Variants in EEA1 observed in about 807,000 individuals in gnomAD.
EEA1 encodes the protein early endosome antigen 1, 162kD.
In EEA1, 111 loss-of-function variants were observed where a neutral mutation model predicts 209.2. The ratio of observed to expected loss-of-function variants is 0.53; its 90% CI spans 0.45 to 0.62. The LOEUF (loss-of-function observed/expected upper bound fraction) is 0.62, where lower values mean the gene tolerates loss of function less well. Among genes scored for constraint, EEA1 ranks in the 20% least tolerant of loss-of-function variants. The pLI is 0.00. For synonymous variants in EEA1, 536 were observed against 540.6 expected, an observed-to-expected ratio of 0.99 and a Z score of 0.12; for missense variants, 1,343 against 1,530.8, an observed-to-expected ratio of 0.88 and a Z score of 2.05.
intron 1 of EEA1, among the ~76,000 whole-genome samples, chr12:92,895,061 C>G (rs763120913): frequency 8.6e-5 from 13 of 151,508 alleles, no homozygotes; most frequent in Admixed American, 1.3e-4. Flanking sequence ...TACGCTAATG[C>G]TACTCTGCGC....
intron 16 of EEA1, 45 bp from the exon 17 acceptor site, chr12:92,811,479 T>C (rs1875503068): frequency 7.6e-7 from 1 of 1,309,946 alleles, no homozygotes; most frequent in Non-Finnish European, 1.0e-6. Context: ...AGGTTTACTA[T>C]ATTGTAGTGG....
In EEA1 at chr12:92,879,253, G is replaced by A. The variant is rs1162382082; in HGVS notation, c.117+12376C>T. Reference sequence around the variant, plus strand: ...ATATTTACATGATACTTACCAGTTGGACATCCTAATCCAAAAAAATCCAAA... The same window carrying A: ...ATATTTACATGATACTTACCAGTTGAACATCCTAATCCAAAAAAATCCAAA... On this transcript the variant is annotated intron_variant, in intron 2 of 28. Transcript: ENST00000322349. The A allele has an allele frequency of 1.9e-5, 7 of 374,764 alleles. No individual in the cohort carries two copies. In the East Asian group the frequency reaches 2.6e-4, roughly 14 times the overall value. The allele number at this position is 374,764 out of a possible 1,614,324, so 23.2% of individuals were successfully genotyped here.
intron 2 of EEA1, among the ~76,000 whole-genome samples, chr12:92,874,439 C>T (rs1274748651): frequency 6.6e-6 from 1 of 152,256 alleles, no homozygotes; most frequent in Non-Finnish European, 1.5e-5. Flanking sequence ...AATCTCGGCT[C>T]ACTGCAACCT....
intron 1 of EEA1, among the ~76,000 whole-genome samples, chr12:92,923,391 T>C (rs1273145202): frequency 6.6e-6 from 1 of 152,170 alleles, no homozygotes; most frequent in Non-Finnish European, 1.5e-5. Context: ...CTGTCTACAG[T>C]ATAAGGTCCA....
intron 21 of EEA1, among the ~76,000 whole-genome samples, chr12:92,792,889 T>C (rs11830800): frequency 0.04 from 6,112 of 152,174 alleles, 406 homozygotes; most frequent in African/African-American, 0.14. Context: ...TCAAATAAAA[T>C]ACTGGCAAAC....
At chr12:92,874,144 C>T (rs1382958228) in intron 2 of EEA1, among the ~76,000 whole-genome samples, 7 of 151,444 alleles carry the variant, frequency 4.6e-5, no homozygotes. Context: ...AAATTCCCAT[C>T]TCTACAAAAA....
chr12:92,802,455 T>C lies in EEA1; in HGVS notation c.2619A>G (p.Lys873=). ...SKVSDSLKNS[K]SEFEKENQKG... is the part of the protein sequence containing the mutation. ...TCTGATTCTCCTTTTCAAATTCACT[T>C]TTAGAGTTTTTCAAAGAATCAGAAA... Residue 873 remains lysine, a synonymous_variant, in exon 19 of 29, where the codon AAA becomes AAG. Coordinates refer to ENST00000322349, the MANE Select transcript of EEA1 (RefSeq NM_003566.4). 1 of 1,582,048 alleles carries C rather than the reference T, an allele frequency of 6.3e-7. No homozygotes were observed.
intron 2 of EEA1, among the ~76,000 whole-genome samples, chr12:92,886,038 CAG>C (rs1198246072): frequency 6.6e-6 from 1 of 151,974 alleles, no homozygotes; most frequent in Non-Finnish European, 1.5e-5. Context: ...GAACTGGCAA[CAG>C]AGTCAAACCT....
In EEA1 at chr12:92,852,270, T is replaced by C. The variant is rs1877664232; in HGVS notation, c.547A>G (p.Arg183Gly). ...TGTTCAGCAGCTTCTCGAAGACTCC[T>C]TTCTTCATCATACTTTGACTTTATA... ...ADIKSKYDEERSLREAAEQKV... is the reference protein window; with the variant it reads ...ADIKSKYDEEGSLREAAEQKV... Residue 183 changes from arginine to glycine, a missense_variant, in exon 8 of 29, where the codon AGG becomes GGG. By Grantham distance (125) the Arg-to-Gly change is moderately radical. Coordinates refer to ENST00000322349, the MANE Select transcript of EEA1 (RefSeq NM_003566.4). The C allele has an allele frequency of 6.3e-7, 1 of 1,595,322 alleles. No homozygotes were observed. The highest frequency in any genetic ancestry group is 2.3e-5 in the East Asian group (1 of 44,124).
chr12:92,892,592 TCCAGG>T (rs1879697170), intron 1 of EEA1, among the ~76,000 whole-genome samples: 1 of 85,746 alleles, frequency 1.2e-5, no homozygotes, highest in African/African-American at 3.7e-5. Context: ...TGCTCTGTCA[TCCAGG>T]CTGGTCTCAC....
intron 1 of EEA1, among the ~76,000 whole-genome samples, chr12:92,904,653 C>A (rs1399898141): frequency 6.6e-6 from 1 of 152,190 alleles, no homozygotes. Flanking sequence ...CAACTCCCCT[C>A]CTCAGGTTTG....
chr12:92,813,371 T>A (rs1227474507), intron 15 of EEA1, among the ~76,000 whole-genome samples: 4 of 152,114 alleles, frequency 2.6e-5, no homozygotes, highest in Non-Finnish European at 2.9e-5. Context: ...AAGGTACACT[T>A]TTTTTCCAAA....
intron 5 of EEA1, 29 bp downstream of exon 5, chr12:92,857,246 A>T: frequency 6.6e-7 from 1 of 1,525,168 alleles, no homozygotes; most frequent in Non-Finnish European, 8.8e-7. Flanking sequence ...CAACTAATAA[A>T]CATGCTTTAA....
chr12:92,807,174 G>C (rs371114753), intron 18 of EEA1, among the ~76,000 whole-genome samples: 8 of 151,960 alleles, frequency 5.3e-5, no homozygotes, highest in Middle Eastern at 3.4e-3. Flanking sequence ...GGCTGGTCTC[G>C]AACTCCTGAC....
chr12:92,829,296 G>A (rs181276259), intron 11 of EEA1, among the ~76,000 whole-genome samples: 1 of 151,444 alleles, frequency 6.6e-6, no homozygotes, highest in East Asian at 2.0e-4. Flanking sequence ...AACAAAGTGA[G>A]ATTCCATCTC....
chr12:92,907,427 T>C (rs1880423689), intron 1 of EEA1, among the ~76,000 whole-genome samples: 1 of 152,196 alleles, frequency 6.6e-6, no homozygotes, highest in African/African-American at 2.4e-5. Flanking sequence ...CACACACTCA[T>C]TTTGCCTAAA....
rs368807324 is a variant in EEA1, at chr12:92,811,449, A to G, written c.2044-15T>C. ...TTATTTAACTCCTTTAGAAAAGTACAATTGAAGAAAACTTTGGTAAGGTTT... is the reference window on the plus strand; with the variant it reads ...TTATTTAACTCCTTTAGAAAAGTACGATTGAAGAAAACTTTGGTAAGGTTT... On this transcript the variant is annotated splice_polypyrimidine_tract_variant and intron_variant, in intron 16 of 28. Coordinates refer to ENST00000322349, the MANE Select transcript of EEA1 (RefSeq NM_003566.4). 5.3e-6 allele frequency: 8 copies of G among 1,513,882 alleles called. No individual in the cohort carries two copies. Among genetic ancestry groups the G allele is most frequent in the Non-Finnish European group, 6.2e-6 (7 of 1,136,702 alleles). The allele number at this position is 1,513,882 out of a possible 1,614,324, so 93.8% of individuals were successfully genotyped here.
At position 92,857,394 on chromosome 12, in the gene EEA1, AC is replaced by A. The variant is rs756220970; in HGVS notation, c.300+36del. 49 of 1,571,546 alleles carry A rather than the reference AC, an allele frequency of 3.1e-5. No individual in the cohort carries two copies. The East Asian group carries it at 8.5e-4, about 27-fold the overall frequency. On this transcript the variant is annotated intron_variant, in intron 4 of 28. Transcript: ENST00000322349. ...TTTAAAAAGAGGTATTATCTGAAAC[AC>A]TGAAAATAAAAAGGTATAACAATTT... is the stretch of plus-strand genomic sequence containing the variant.
At chr12:92,815,086 T>A (rs1040556563) in intron 15 of EEA1, among the ~76,000 whole-genome samples, 1 of 152,240 alleles carries the variant, frequency 6.6e-6, no homozygotes. Context: ...CACTAGCTCA[T>A]AAAGAAGTTA....
Sources: gnomAD v4.1 joint callset for allele counts (sites outside exome capture counted in the v4.1 genomes callset) on GRCh38, gnomAD v4.1.1 for gene constraint, MANE v1.5 for transcripts, NCBI Gene and HGNC (gene_info 2026-07-23, HGNC 2026-07-21) for gene names.